CTCFL: variants seen among roughly 807,000 people sequenced by gnomAD.
CTCFL encodes the protein transcriptional repressor CTCFL.
Under a neutral mutation model 67.4 loss-of-function variants are expected in CTCFL, and 36 were observed. That is an observed-to-expected ratio of 0.53 (90% CI 0.41 to 0.71). The LOEUF is 0.71. Among genes scored for constraint, CTCFL ranks in the 30% least tolerant of loss-of-function variants. The pLI is 0.00. For missense variants in CTCFL, 786 were observed against 835.2 expected (o/e 0.94, Z 0.73); for synonymous variants, 324 against 302.3 (o/e 1.07, Z -0.75).
intron 9 of CTCFL, among the ~76,000 whole-genome samples, chr20:57,505,945 C>T (rs2068185795): frequency 6.6e-6 from 1 of 152,224 alleles, no homozygotes; most frequent in Non-Finnish European, 1.5e-5. Flanking sequence ...TTGACTTTCC[C>T]ACTGTGCTTA....
chr20:57,497,922 C>A lies in CTCFL; in HGVS notation c.*628G>T, dbSNP rs962920441. ...TTTATTCCTTATTTTCTAGTCTAAT[C>A]TAGTATTTCATTTCCTACTCAGTTT... On this transcript the variant is annotated 3_prime_UTR_variant, in exon 11 of 11. Transcript: ENST00000243914. 7.4e-6 allele frequency: 7 copies of A among 952,208 alleles called. No homozygotes were observed. Among genetic ancestry groups the A allele is most frequent in the Non-Finnish European group, 8.8e-6 (7 of 799,984 alleles). 59.0% of individuals were successfully genotyped at this position (952,208 alleles called of 1,614,324 possible).
chr20:57,513,603 T>A, intron 7 of CTCFL: 2 of 1,136,948 alleles, frequency 1.8e-6, no homozygotes, highest in Non-Finnish European at 2.2e-6. Context: ...GCTAGACTTG[T>A]GCCCCACCAA....
chr20:57,502,842 C>T (rs1428605325), intron 10 of CTCFL, among the ~76,000 whole-genome samples: 2 of 152,226 alleles, frequency 1.3e-5, no homozygotes, highest in East Asian at 1.9e-4. Flanking sequence ...CATAGCTGAC[C>T]TCCTTTTTTC....
chr20:57,523,070 T>C lies in CTCFL; in HGVS notation c.752A>G (p.Lys251Arg). 6.2e-7 allele frequency: 1 copy of C among 1,613,150 alleles called. No homozygotes were observed. Among genetic ancestry groups the C allele is most frequent in the Non-Finnish European group, 8.5e-7 (1 of 1,179,460 alleles). ...TTCTATGAGATGAACTGGCCTACCC[T>C]TTGTCTTTCTTTGATTTTTTGTAGA... is the stretch of plus-strand genomic sequence containing the variant. Reference protein sequence around the residue: ...AKSTKNQRKTKGAKGTFHCDV... With the variant: ...AKSTKNQRKTRGAKGTFHCDV... Residue 251 changes from lysine (K) to arginine (R), a missense_variant and splice_region_variant, in exon 3 of 11, where the codon AAG (lysine) becomes AGG (arginine). By Grantham distance (26) the Lys-to-Arg change is conservative. Transcript: ENST00000243914.
At position 57,523,645 on chromosome 20, in the gene CTCFL, T is replaced by A. The variant is rs200015183; in HGVS notation, c.543+18A>T. The A allele has an allele frequency of 6.3e-7, 1 of 1,595,508 alleles. No homozygotes were observed. Among genetic ancestry groups the A allele is most frequent in the East Asian group, 2.2e-5 (1 of 44,672 alleles). ...TTTCTTTTTCATGTAAGGGGTTGTT[T>A]ATTAAAACCAGCTGTACCTTGATCA... On this transcript the variant is annotated intron_variant, in intron 2 of 10. Coordinates refer to ENST00000243914, the MANE Select transcript of CTCFL (RefSeq NM_001386993.1).
chr20:57,496,639 AC>A (rs1450988761), downstream of CTCFL, among the ~76,000 whole-genome samples: 2 of 152,164 alleles, frequency 1.3e-5, no homozygotes, highest in African/African-American at 4.8e-5. Flanking sequence ...ACATCACTTT[AC>A]CGTCTGTCTC....
chr20:57,512,450 C>T (rs897997279), intron 8 of CTCFL, 142 bp downstream of exon 8: 14 of 771,708 alleles, frequency 1.8e-5, no homozygotes, highest in Non-Finnish European at 2.7e-5. Context: ...GACTGGCTCA[C>T]AGTTGCTTTC....
intron 10 of CTCFL, 27 bp downstream of exon 10, chr20:57,503,409 A>T: frequency 6.2e-7 from 1 of 1,613,212 alleles, no homozygotes. Flanking sequence ...CTGAGGCGGT[A>T]AAAACAAATC....
In CTCFL at chr20:57,515,278, G is replaced by A. The variant is rs145420530; in HGVS notation, c.1180+436C>T. The stretch of plus-strand genomic sequence containing the variant: ...TCCTGCTTCAGCCTCCCAAGTAGCT[G>A]GGACCACAGGTGTGCACCACCAGGC... On this transcript the variant is annotated intron_variant, in intron 6 of 10. Transcript: ENST00000243914. 1,002 of 171,140 alleles carry A rather than the reference G, an allele frequency of 5.9e-3. 9 individuals carry two copies. The highest frequency in any genetic ancestry group is 0.023 in the African/African-American group (962 of 41,680). 10.6% of individuals were successfully genotyped at this position (171,140 alleles called of 1,614,324 possible).
At position 57,498,582 on chromosome 20, in the gene CTCFL, A is replaced by G; in HGVS notation, c.1960T>C (p.Cys654Arg). ...VKEEVDEGVT[C>R]EMLLNTMDK ...TCCATCGTGTTGAGGAGCATTTCAC[A>G]GGTCACGCCTTCATCCACTTCCTCT... Residue 654 changes from cysteine (C) to arginine (R), a missense_variant, in exon 11 of 11, where the codon TGT becomes CGT. Physicochemically the swap from Cys to Arg is radical, Grantham distance 180 (BLOSUM62 -3). Coordinates refer to ENST00000243914, the MANE Select transcript of CTCFL (RefSeq NM_001386993.1). 1 of 1,613,934 alleles carries G rather than the reference A, an allele frequency of 6.2e-7. No individual in the cohort carries two copies.
At chr20:57,512,965 C>T (rs754981112) in intron 7 of CTCFL, among the ~76,000 whole-genome samples, 8 of 152,092 alleles carry the variant, frequency 5.3e-5, no homozygotes, top group Admixed American at 1.3e-4. Flanking sequence ...TCTTTCTCCC[C>T]GGTTGTGAAA....
In CTCFL at chr20:57,514,689, C is replaced by T. The variant is rs1451461007; in HGVS notation, c.1233G>A (p.Gly411=). ...HICHTRFTQS[G]TMKIHILQKH... is the part of the protein sequence containing the mutation. ...TCTGCAGAATATGTATTTTCATGGTCCCGCTCTGGGTGAAGCGGGTGTGGC... is the reference window on the plus strand; with the variant it reads ...TCTGCAGAATATGTATTTTCATGGTTCCGCTCTGGGTGAAGCGGGTGTGGC... The change falls in exon 7 of 11, where the codon GGG becomes GGA. Residue 411 remains glycine (G), a synonymous_variant. Transcript: ENST00000243914. 3.1e-6 allele frequency: 5 copies of T among 1,614,160 alleles called. No homozygotes were observed. Among genetic ancestry groups the T allele is most frequent in the East Asian group, 4.5e-5 (2 of 44,890 alleles).
intron 9 of CTCFL, among the ~76,000 whole-genome samples, chr20:57,504,565 A>G (rs2068097730): frequency 1.3e-5 from 2 of 151,838 alleles, no homozygotes; most frequent in Admixed American, 6.6e-5. Flanking sequence ...TACAGGCGTG[A>G]GCCACCGCAC....
intron 9 of CTCFL, among the ~76,000 whole-genome samples, chr20:57,504,383 G>C (rs1346668438): frequency 6.8e-6 from 1 of 146,172 alleles, no homozygotes; most frequent in Non-Finnish European, 1.5e-5. Context: ...AGGTTCAAGC[G>C]ATTCTCCTGC....
At position 57,518,864 on chromosome 20, in the gene CTCFL, C is replaced by T; in HGVS notation, c.953G>A (p.Cys318Tyr). ...TCCACTGGTGACAAATGCCATGTTG[C>T]AGTCGTTACACTTGTAGGGCCTGGT... Reference protein sequence around the residue: ...TGTRPYKCNDCNMAFVTSGEL... With the variant: ...TGTRPYKCNDYNMAFVTSGEL... The change falls in exon 5 of 11, where the codon TGC (cysteine) becomes TAC (tyrosine). Residue 318 changes from cysteine to tyrosine, a missense_variant. Around this residue, in one of 3 missense-constraint regions of CTCFL, gnomAD observed 254 missense variants for 333.9 expected, o/e 0.76. Transcript: ENST00000243914. 1 of 1,613,974 alleles carries T rather than the reference C, an allele frequency of 6.2e-7. No individual in the cohort carries two copies. Among genetic ancestry groups the T allele is most frequent in the Non-Finnish European group, 8.5e-7 (1 of 1,179,918 alleles).
At chr20:57,524,685 G>T (rs2865388) in intron 1 of CTCFL, 794,655 of 997,568 alleles carry the variant, frequency 0.8, 317,568 homozygotes, top group African/African-American at 0.96. Flanking sequence ...GTGCACACCC[G>T]GCGCCCAGCG....
At position 57,512,558 on chromosome 20, in the gene CTCFL, C is replaced by T. The variant is rs557504530; in HGVS notation, c.1491+34G>A. Reference sequence around the variant, plus strand: ...ACCCAGCCCTCCATTCTTCCATACACCACTGCCTCTCCAAATTAAGTAAAG... The same window carrying T: ...ACCCAGCCCTCCATTCTTCCATACATCACTGCCTCTCCAAATTAAGTAAAG... On this transcript the variant is annotated intron_variant, in intron 8 of 10. Transcript: ENST00000243914. The T allele has an allele frequency of 1.7e-4, 275 of 1,606,530 alleles. 2 individuals carry two copies. In the South Asian group the frequency reaches 2.7e-3, roughly 16 times the overall value.
chr20:57,519,190 C>T lies in CTCFL; in HGVS notation c.925+17G>A. 2.5e-6 allele frequency: 4 copies of T among 1,612,392 alleles called. No individual in the cohort carries two copies. Among genetic ancestry groups the T allele is most frequent in the Non-Finnish European group, 3.4e-6 (4 of 1,178,704 alleles). On this transcript the variant is annotated intron_variant, in intron 4 of 10. Coordinates refer to ENST00000243914, the MANE Select transcript of CTCFL (RefSeq NM_001386993.1). ...ACACACATCATTCCAGAGAAACAGC[C>T]TTCCCGGCAGTTTTACCTGTGTGGG... is the stretch of plus-strand genomic sequence containing the variant.
At chr20:57,495,987 A>T (rs1370229450), downstream of CTCFL, 3 of 341,830 alleles carry the variant, frequency 8.8e-6, no homozygotes, top group Non-Finnish European at 1.6e-5. Flanking sequence ...TATTTATGTT[A>T]TCTGTTTTTG....
Sources: gnomAD v4.1 joint callset for allele counts (sites outside exome capture counted in the v4.1 genomes callset) on GRCh38, gnomAD v4.1.1 for gene constraint, gnomAD v4.1.1 regional missense constraint, MANE v1.5 for transcripts, NCBI Gene and HGNC (gene_info 2026-07-23, HGNC 2026-07-21) for gene names.